The following NELL1 variants were observed in gnomAD, a reference collection of about 807,000 sequenced individuals.
The protein encoded by NELL1 is protein kinase C-binding protein NELL1.
A neutral mutation model predicts 107.4 loss-of-function variants in NELL1; 76 were observed. The observed-to-expected ratio is 0.71, with a 90% CI of 0.59 to 0.86. The LOEUF (loss-of-function observed/expected upper bound fraction) is 0.86. Among genes scored for constraint, NELL1 ranks in the 40% least tolerant of loss-of-function variants. The pLI is 0.00. For missense variants in NELL1, 1,024 were observed against 1,005.5 expected (o/e 1.02, Z -0.25); for synonymous variants, 353 against 341.2 (o/e 1.03, Z -0.38).
chr11:20,886,452 AT>A (rs1189920536), intron 5 of NELL1, among the ~76,000 whole-genome samples: 1 of 152,128 alleles, frequency 6.6e-6, no homozygotes, highest in African/African-American at 2.4e-5. Context: ...ATAATGCTCG[AT>A]AAAATACCAC....
chr11:20,673,509 A>G (rs1279486506), intron 1 of NELL1, among the ~76,000 whole-genome samples: 2 of 152,186 alleles, frequency 1.3e-5, no homozygotes, highest in Non-Finnish European at 2.9e-5. Context: ...TGGAAAGCCT[A>G]TGTCTGGGAC....
chr11:20,841,536 C>T (rs12288596), intron 3 of NELL1, among the ~76,000 whole-genome samples: 4,512 of 152,124 alleles, frequency 0.03, 84 homozygotes, highest in Middle Eastern at 0.054. Context: ...TAGAATGAAA[C>T]GAATTGACCA....
intron 15 of NELL1, among the ~76,000 whole-genome samples, chr11:21,448,421 T>C (rs1184477570): frequency 6.6e-6 from 1 of 152,236 alleles, no homozygotes; most frequent in African/African-American, 2.4e-5. Flanking sequence ...GCTAACTACG[T>C]TAAAATTATA....
intron 12 of NELL1, among the ~76,000 whole-genome samples, chr11:21,042,429 A>G: frequency 6.6e-6 from 1 of 152,200 alleles, no homozygotes; most frequent in Admixed American, 6.5e-5. Flanking sequence ...TTGAGAGGCA[A>G]CAGGACAAGG....
At chr11:20,807,722 G>A (rs1249419793) in intron 3 of NELL1, among the ~76,000 whole-genome samples, 1 of 152,156 alleles carries the variant, frequency 6.6e-6, no homozygotes, top group Non-Finnish European at 1.5e-5. Context: ...TCTACCTAGT[G>A]CATTATCTAC....
rs192565416 is a variant in NELL1 at position 21,107,759 on chromosome 11, A to G, written c.1301-5830A>G. ...GACAAAATACCTGAATGTGTCAAGA[A>G]CTTTAGAAGTGATGGTTGGCTAAAG... On this transcript the variant is annotated intron_variant, in intron 12 of 19. Transcript: ENST00000357134. Among the ~76,000 whole-genome samples the G allele has an allele frequency of 1.3e-3, 191 of 152,290 alleles. 1 individual carries two copies. Among genetic ancestry groups the G allele is most frequent in the African/African-American group, 4.5e-3 (186 of 41,580 alleles).
intron 14 of NELL1, among the ~76,000 whole-genome samples, chr11:21,318,800 T>C (rs2133661241): frequency 6.6e-6 from 1 of 152,232 alleles, no homozygotes; most frequent in South Asian, 2.1e-4. Context: ...CTTTGCTTTA[T>C]TTCTGCTAGG....
At chr11:21,202,312 T>C (rs1365237926) in intron 13 of NELL1, among the ~76,000 whole-genome samples, 1 of 152,222 alleles carries the variant, frequency 6.6e-6, no homozygotes, top group Non-Finnish European at 1.5e-5. Flanking sequence ...GAACTTGTTA[T>C]TGGTTTATTC....
At position 21,242,977 on chromosome 11, in the gene NELL1, G is replaced by T. The variant is rs575164109; in HGVS notation, c.1549+13523G>T. On this transcript the variant is annotated intron_variant, in intron 14 of 19. Coordinates refer to ENST00000357134, the MANE Select transcript of NELL1 (RefSeq NM_006157.5). ...CTGATTCCCACTTGTCCATATGACA[G>T]TTCCCTTCCTGTTGTTAGTGATCAT... is the stretch of plus-strand genomic sequence containing the variant. Among the ~76,000 whole-genome samples the T allele has an allele frequency of 2.0e-5, 3 of 152,202 alleles. No individual in the cohort carries two copies. In the South Asian group the frequency reaches 6.2e-4, roughly 32 times the overall value.
intron 13 of NELL1, among the ~76,000 whole-genome samples, chr11:21,160,122 C>G (rs942162268): frequency 2.0e-5 from 3 of 152,186 alleles, no homozygotes; most frequent in African/African-American, 4.8e-5. Context: ...CATTTATCTA[C>G]TCAAAGAATA....
At chr11:20,872,273 C>CAGG (rs1849216744) in intron 4 of NELL1, among the ~76,000 whole-genome samples, 1 of 150,008 alleles carries the variant, frequency 6.7e-6, no homozygotes, top group Non-Finnish European at 1.5e-5. Context: ...TCCCTGGGCT[C>CAGG]AGGTGATTCT....
intron 5 of NELL1, among the ~76,000 whole-genome samples, chr11:20,916,064 A>C (rs910305901): frequency 6.6e-6 from 1 of 151,830 alleles, no homozygotes; most frequent in Non-Finnish European, 1.5e-5. Context: ...TAACATTCCC[A>C]TCTTGATTCA....
At chr11:21,456,085 G>A (rs549726827) in intron 15 of NELL1, among the ~76,000 whole-genome samples, 55 of 152,020 alleles carry the variant, frequency 3.6e-4, no homozygotes, top group African/African-American at 1.3e-3. Flanking sequence ...TACAGACAGG[G>A]TTTTGCCATG....
At chr11:21,110,323 G>T (rs575222426) in intron 12 of NELL1, among the ~76,000 whole-genome samples, 1 of 152,242 alleles carries the variant, frequency 6.6e-6, no homozygotes, top group East Asian at 1.9e-4. Flanking sequence ...GAGTCTCAAT[G>T]ACATGTAGAG....
chr11:21,523,384 C>G (rs1300863859), intron 15 of NELL1, among the ~76,000 whole-genome samples: 1 of 152,014 alleles, frequency 6.6e-6, no homozygotes, highest in Non-Finnish European at 1.5e-5. Context: ...TTTGGGTCTA[C>G]TATTTTGCAT....
At chr11:21,467,829 G>A (rs1220943489) in intron 15 of NELL1, among the ~76,000 whole-genome samples, 1 of 152,006 alleles carries the variant, frequency 6.6e-6, no homozygotes, top group Non-Finnish European at 1.5e-5. Context: ...TGGAACTCCT[G>A]AATTTGTGGG....
intron 14 of NELL1, among the ~76,000 whole-genome samples, chr11:21,241,292 G>A (rs187347539): frequency 2.0e-5 from 3 of 152,190 alleles, no homozygotes; most frequent in African/African-American, 4.8e-5. Context: ...TCAACAGCTG[G>A]TACTATTATA....
intron 12 of NELL1, among the ~76,000 whole-genome samples, chr11:21,069,215 C>A (rs1467814451): frequency 6.6e-6 from 1 of 152,194 alleles, no homozygotes; most frequent in African/African-American, 2.4e-5. Context: ...GTGCAGCAAA[C>A]CACCAGGACA....
chr11:20,694,378 C>G (rs1395120047), intron 2 of NELL1, among the ~76,000 whole-genome samples: 1 of 151,996 alleles, frequency 6.6e-6, no homozygotes, highest in African/African-American at 2.4e-5. Flanking sequence ...GGGTTTTCTT[C>G]TAGGATTTTT....
Sources: allele counts gnomAD v4.1 joint callset (sites outside exome capture counted in the v4.1 genomes callset), GRCh38; gene constraint gnomAD v4.1.1; transcripts MANE v1.5; gene names NCBI Gene and HGNC (gene_info 2026-07-23, HGNC 2026-07-21).